The following MAD1L1 variants were observed in gnomAD, a reference collection of about 807,000 sequenced individuals.
The protein encoded by MAD1L1 is mitotic spindle assembly checkpoint protein MAD1.
MAD1L1 carries 95 observed loss-of-function variants against 96.9 expected under a neutral mutation model. The ratio of observed to expected loss-of-function variants is 0.98; its 90% CI spans 0.83 to 1.16. MAD1L1 has a LOEUF of 1.16. Among genes scored for constraint, MAD1L1 ranks in the 50% most tolerant of loss-of-function variants. The pLI, the probability that MAD1L1 is intolerant of heterozygous loss-of-function variation, is 0.00. For synonymous variants in MAD1L1, 473 were observed against 396.6 expected (o/e 1.19, Z -2.29); for missense variants, 1,007 against 954.4 (o/e 1.06, Z -0.73).
At chr7:1,943,035 C>A (rs1206261019) in intron 16 of MAD1L1, among the ~76,000 whole-genome samples, 2 of 152,174 alleles carry the variant, frequency 1.3e-5, no homozygotes, top group African/African-American at 4.8e-5. Context: ...GAAAAATAGT[C>A]TTTTCAACAA....
chr7:2,017,140 T>C (rs1782579597), intron 12 of MAD1L1, among the ~76,000 whole-genome samples: 3 of 152,256 alleles, frequency 2.0e-5, no homozygotes, highest in South Asian at 4.1e-4. Context: ...TTGTCACCGG[T>C]AGTGAAACAG....
At chr7:2,137,992 G>A (rs114929810) in intron 11 of MAD1L1, among the ~76,000 whole-genome samples, 1,531 of 152,328 alleles carry the variant, frequency 0.01, 23 homozygotes, top group African/African-American at 0.035. Context: ...AGGCCATGAT[G>A]GCAGCTGAAG....
chr7:1,936,058 A>G (rs773431890), intron 17 of MAD1L1, among the ~76,000 whole-genome samples: 2 of 152,238 alleles, frequency 1.3e-5, no homozygotes, highest in African/African-American at 2.4e-5. Context: ...TGCAGACTGC[A>G]CAGTGACTCT....
At chr7:2,041,547 T>A (rs1030802747) in intron 12 of MAD1L1, among the ~76,000 whole-genome samples, 7 of 152,166 alleles carry the variant, frequency 4.6e-5, no homozygotes, top group Non-Finnish European at 1.0e-4. Flanking sequence ...CCCAGTCACA[T>A]CTGCACAAAC....
chr7:1,864,151 CT>C (rs1241031917), intron 18 of MAD1L1, among the ~76,000 whole-genome samples: 2 of 152,210 alleles, frequency 1.3e-5, no homozygotes, highest in Non-Finnish European at 2.9e-5. Context: ...CCCGGTGGGA[CT>C]TGCAGAGGAA....
intron 18 of MAD1L1, among the ~76,000 whole-genome samples, chr7:1,840,310 G>A (rs1171792138): frequency 2.0e-5 from 3 of 152,226 alleles, no homozygotes; most frequent in Non-Finnish European, 4.4e-5. Flanking sequence ...CCCAGCTCCA[G>A]GCCACCTCCT....
rs1161398570 is a variant in MAD1L1 at position 2,088,292 on chromosome 7, C to G, written c.1074-18954G>C. 6.6e-6 allele frequency among the ~76,000 whole-genome samples: 1 copy of G among 152,190 alleles called. No homozygotes were observed. On this transcript the variant is annotated intron_variant, in intron 11 of 18. Coordinates refer to ENST00000265854, the MANE Select transcript of MAD1L1 (RefSeq NM_001013836.2). This position sits in a 1 kb window ranked among gnomAD's most constrained non-coding sequence, Gnocchi z 4.4. Reference sequence around the variant, plus strand: ...TGCCGCTGGAACACAATCCAGGCCCCCATCACAGGCTGCGCCATCTGGTTA... The same window carrying G: ...TGCCGCTGGAACACAATCCAGGCCCGCATCACAGGCTGCGCCATCTGGTTA...
chr7:2,147,638 C>T (rs1584427992), intron 11 of MAD1L1, among the ~76,000 whole-genome samples: 1 of 152,216 alleles, frequency 6.6e-6, no homozygotes, highest in Admixed American at 6.5e-5. Flanking sequence ...TTCCCCAGGG[C>T]GGGTGCCCCA....
At chr7:2,087,534 C>T (rs1010757839) in intron 11 of MAD1L1, among the ~76,000 whole-genome samples, 2 of 152,096 alleles carry the variant, frequency 1.3e-5, no homozygotes, top group African/African-American at 2.4e-5. Context: ...TGTGAGACTC[C>T]GTCTTGAAAA....
intron 5 of MAD1L1, among the ~76,000 whole-genome samples, chr7:2,221,489 C>G (rs936486531): frequency 6.6e-6 from 1 of 150,850 alleles, no homozygotes; most frequent in South Asian, 2.1e-4. Flanking sequence ...CCCCGCTGCA[C>G]GCCCACCCCA....
At chr7:2,227,864 G>A (rs946990399) in intron 3 of MAD1L1, among the ~76,000 whole-genome samples, 13 of 152,156 alleles carry the variant, frequency 8.5e-5, no homozygotes, top group African/African-American at 2.7e-4. Context: ...CACCTGATCC[G>A]TGTGCCACCT....
chr7:2,018,830 C>T (rs1046763427), intron 12 of MAD1L1, among the ~76,000 whole-genome samples: 1 of 152,152 alleles, frequency 6.6e-6, no homozygotes, highest in African/African-American at 2.4e-5. Context: ...CCCTCCGCCC[C>T]CTCCAGCCCA....
intron 16 of MAD1L1, among the ~76,000 whole-genome samples, chr7:1,944,453 T>C (rs57840680): frequency 6.6e-6 from 1 of 152,152 alleles, no homozygotes; most frequent in African/African-American, 2.4e-5. Flanking sequence ...TGCCAGAGCC[T>C]GCGGGGCTGA....
intron 18 of MAD1L1, among the ~76,000 whole-genome samples, chr7:1,868,148 C>T (rs549985929): frequency 1.3e-5 from 2 of 152,322 alleles, no homozygotes; most frequent in African/African-American, 2.4e-5. Context: ...CACTGTGGCC[C>T]CCCAGACACC....
chr7:1,844,607 C>T (rs1036568254), intron 18 of MAD1L1, among the ~76,000 whole-genome samples: 2 of 152,070 alleles, frequency 1.3e-5, no homozygotes, highest in Admixed American at 6.5e-5. Flanking sequence ...GAGGCTGCCA[C>T]GTGCCCAGCA....
intron 9 of MAD1L1, among the ~76,000 whole-genome samples, chr7:2,213,584 G>T (rs1793099735): frequency 6.6e-6 from 1 of 152,200 alleles, no homozygotes; most frequent in Non-Finnish European, 1.5e-5. Context: ...AAGGATCCTG[G>T]GGTTGACTGT....
intron 18 of MAD1L1, among the ~76,000 whole-genome samples, chr7:1,826,616 C>T (rs550641502): frequency 2.6e-5 from 4 of 152,354 alleles, no homozygotes; most frequent in South Asian, 2.1e-4. Context: ...ACGACACAGC[C>T]GGGCCCAAAA....
intron 14 of MAD1L1, among the ~76,000 whole-genome samples, chr7:1,986,416 C>A (rs1186188923): frequency 6.6e-6 from 1 of 152,194 alleles, no homozygotes; most frequent in Non-Finnish European, 1.5e-5. Context: ...CCGCCGGCCC[C>A]CGCACTGCGG....
intron 18 of MAD1L1, among the ~76,000 whole-genome samples, chr7:1,875,263 C>T (rs1583625822): frequency 6.6e-6 from 1 of 152,336 alleles, no homozygotes; most frequent in East Asian, 1.9e-4. Flanking sequence ...GCTGTGCACA[C>T]CGAGGCCAGC....
Sources: allele counts gnomAD v4.1 joint callset (sites outside exome capture counted in the v4.1 genomes callset), GRCh38; gene constraint gnomAD v4.1.1; non-coding constraint Gnocchi (gnomAD v3.1); transcripts MANE v1.5; gene names NCBI Gene and HGNC (gene_info 2026-07-23, HGNC 2026-07-21).